The following ALKBH7 variants were observed in gnomAD, a reference collection of about 807,000 sequenced individuals.
ALKBH7 encodes RNA demethylase ALKBH7, mitochondrial.
Under a neutral mutation model 19.3 loss-of-function variants are expected in ALKBH7, and 21 were observed. That is an observed-to-expected ratio of 1.09 (90% CI 0.77 to 1.56). The LOEUF (loss-of-function observed/expected upper bound fraction) is 1.56. Ranked by LOEUF, ALKBH7 falls within the 40% of genes most tolerant of loss-of-function variation. The pLI is 0.00. For synonymous variants in ALKBH7, 147 were observed against 139.5 expected, an observed-to-expected ratio of 1.05 and a Z score of -0.38; for missense variants, 354 against 311.4, an observed-to-expected ratio of 1.14 and a Z score of -1.03.
rs774171163 is a variant in ALKBH7, at chr19:6,375,097, C to A, written c.*124C>A. The stretch of plus-strand genomic sequence containing the variant: ...CAGGGGAACCCAGGATGGCACTGGC[C>A]CATAGGGAGCTCCAGGTGTGGCTGG... On this transcript the variant is annotated 3_prime_UTR_variant, in exon 4 of 4. Coordinates refer to ENST00000245812, the MANE Select transcript of ALKBH7 (RefSeq NM_032306.4). The A allele has an allele frequency of 1.5e-5, 21 of 1,371,086 alleles. No individual in the cohort carries two copies. The highest frequency in any genetic ancestry group is 2.8e-5 in the Admixed American group (1 of 35,744). The allele number at this position is 1,371,086 out of a possible 1,614,324, so 84.9% of individuals were successfully genotyped here. A position where few individuals can be genotyped will look rare whatever the true frequency, so the allele number is the denominator to read the frequency against.
chr19:6,374,715 C>T (rs1422816127), intron 3 of ALKBH7, 96 bp from the exon 4 acceptor site: 1 of 1,595,908 alleles, frequency 6.3e-7, no homozygotes, highest in African/African-American at 1.3e-5. Context: ...GTGTGGGAGG[C>T]AGCAGGGGGC....
chr19:6,375,028 C>T lies in ALKBH7; in HGVS notation c.*55C>T, dbSNP rs559453800. The T allele has an allele frequency of 2.0e-6, 3 of 1,526,092 alleles. No homozygotes were observed. The highest frequency in any genetic ancestry group is 4.6e-5 in the East Asian group (2 of 43,852). 94.5% of individuals were successfully genotyped at this position (1,526,092 alleles called of 1,614,324 possible). The stretch of plus-strand genomic sequence containing the variant: ...TGAATAAAGTTGGGGAATGGACAGC[C>T]TAACTGGGACATTGCAGTGGCTGCT... On this transcript the variant is annotated 3_prime_UTR_variant, in exon 4 of 4. Transcript: ENST00000245812.
At chr19:6,373,643 G>A (rs1047201621) in intron 1 of ALKBH7, 1,074 of 1,247,172 alleles carry the variant, frequency 8.6e-4, no homozygotes, top group Non-Finnish European at 9.8e-4. Context: ...GCCATGCTGT[G>A]GGGGGGACGG....
In ALKBH7 at chr19:6,374,347, T is replaced by G. The variant is rs2091909234; in HGVS notation, c.349T>G (p.Tyr117Asp). ...VHVLDLEARG[Y>D]IKPHVDSIKF... Reference sequence around the variant, plus strand: ...CGTGCTGGACCTGGAAGCCCGCGGCTACATCAAGCCCCACGTGGACAGCAT... The same window carrying G: ...CGTGCTGGACCTGGAAGCCCGCGGCGACATCAAGCCCCACGTGGACAGCAT... Residue 117 changes from tyrosine (Y) to aspartate (D), a missense_variant, in exon 2 of 4, where the codon TAC becomes GAC. By Grantham distance (160) the Tyr-to-Asp change is radical. Coordinates refer to ENST00000245812, the MANE Select transcript of ALKBH7 (RefSeq NM_032306.4). The G allele has an allele frequency of 1.2e-6, 2 of 1,610,606 alleles. 1 individual carries two copies. Among genetic ancestry groups the G allele is most frequent in the South Asian group, 2.2e-5 (2 of 90,940 alleles).
intron 1 of ALKBH7, chr19:6,373,761 T>TTGGGAGCTGGGCTATGG (rs2091905356): frequency 2.4e-6 from 3 of 1,267,112 alleles, no homozygotes; most frequent in African/African-American, 3.1e-5. Flanking sequence ...TTGCAGGGAT[T>TTGGGAGCTGGGCTATGG]TGGGAGCTGG....
intron 1 of ALKBH7, 23 bp from the exon 2 acceptor site, chr19:6,374,180 G>T: frequency 6.2e-7 from 1 of 1,604,994 alleles, no homozygotes; most frequent in African/African-American, 1.3e-5. Context: ...GAGCTCCCAG[G>T]CTTAACCGAG....
intron 3 of ALKBH7, 98 bp from the exon 4 acceptor site, chr19:6,374,713 G>C: frequency 6.3e-7 from 1 of 1,596,800 alleles, no homozygotes; most frequent in Non-Finnish European, 8.5e-7. Flanking sequence ...CTGTGTGGGA[G>C]GCAGCAGGGG....
intron 1 of ALKBH7, chr19:6,373,710 C>T (rs1017097007): frequency 1.6e-6 from 2 of 1,241,842 alleles, no homozygotes; most frequent in East Asian, 6.4e-5. Flanking sequence ...AGGGGAGACA[C>T]ATGCTGGGAT....
Position 6,374,807 on chromosome 19 carries a change from G to T in ALKBH7, c.504-4G>T. ...ACCCAGTCACAGCCTGTTTCTTCCT[G>T]CAGGGGCTCAGCCCGTTATGACTTC... On this transcript the variant is annotated splice_region_variant and splice_polypyrimidine_tract_variant and intron_variant, in intron 3 of 3. Transcript: ENST00000245812. The T allele has an allele frequency of 6.2e-7, 1 of 1,608,726 alleles. No homozygotes were observed. Among genetic ancestry groups the T allele is most frequent in the Non-Finnish European group, 8.5e-7 (1 of 1,175,778 alleles).
chr19:6,373,064 T>G, intron 1 of ALKBH7, 40 bp downstream of exon 1: 1 of 1,529,310 alleles, frequency 6.5e-7, no homozygotes, highest in African/African-American at 1.4e-5. Context: ...CGGGGGCTCG[T>G]CGGGGGCGCG....
chr19:6,374,807 G>A lies in ALKBH7; in HGVS notation c.504-4G>A. 6.2e-7 allele frequency: 1 copy of A among 1,608,726 alleles called. No homozygotes were observed. The highest frequency in any genetic ancestry group is 8.5e-7 in the Non-Finnish European group (1 of 1,175,778). ...ACCCAGTCACAGCCTGTTTCTTCCTGCAGGGGCTCAGCCCGTTATGACTTC... is the reference window on the plus strand; with the variant it reads ...ACCCAGTCACAGCCTGTTTCTTCCTACAGGGGCTCAGCCCGTTATGACTTC... On this transcript the variant is annotated splice_region_variant and splice_polypyrimidine_tract_variant and intron_variant, in intron 3 of 3. Transcript: ENST00000245812.
intron 1 of ALKBH7, 122 bp downstream of exon 1, chr19:6,373,146 G>C: frequency 7.6e-7 from 1 of 1,320,536 alleles, no homozygotes; most frequent in Non-Finnish European, 1.0e-6. Flanking sequence ...GATTTGGAGC[G>C]GGGACAGAGG....
chr19:6,374,946 G>C lies in ALKBH7; in HGVS notation c.639G>C (p.Glu213Asp), dbSNP rs1161507426. The stretch of plus-strand genomic sequence containing the variant: ...TCCCTGAGGGCATGGGGCCAGGGGA[G>C]TCTGGACAGCCGCCCCCAGCCTGCT... Reference protein sequence around the residue: ...RSLPEGMGPGESGQPPPAC With the variant: ...RSLPEGMGPGDSGQPPPAC The change falls in exon 4 of 4, where the codon GAG becomes GAC. Residue 213 changes from glutamate (E) to aspartate (D), a missense_variant. Transcript: ENST00000245812. 1 of 1,606,538 alleles carries C rather than the reference G, an allele frequency of 6.2e-7. No individual in the cohort carries two copies. The highest frequency in any genetic ancestry group is 8.5e-7 in the Non-Finnish European group (1 of 1,174,930).
rs750493976 is a variant in ALKBH7, at chr19:6,372,832, T to A, written c.12T>A (p.Thr4=). 3 of 1,545,106 alleles carry A rather than the reference T, an allele frequency of 1.9e-6. No homozygotes were observed. The highest frequency in any genetic ancestry group is 1.9e-5 in the Admixed American group (1 of 51,384). ...CCCGCTCCGGGATTATGGCCGGGAC[T>A]GGGCTGCTGGCGCTGCGGACGCTGC... MAG[T]GLLALRTLPG... is the part of the protein sequence containing the mutation. Residue 4 remains threonine, a synonymous_variant, in exon 1 of 4, where the codon ACT becomes ACA. Coordinates refer to ENST00000245812, the MANE Select transcript of ALKBH7 (RefSeq NM_032306.4).
Position 6,375,215 on chromosome 19 carries a change from C to G in ALKBH7, c.*242C>G. 1 of 1,370,348 alleles carries G rather than the reference C, an allele frequency of 7.3e-7. No individual in the cohort carries two copies. The highest frequency in any genetic ancestry group is 1.7e-5 in the South Asian group (1 of 60,152). The allele number at this position is 1,370,348 out of a possible 1,614,324, so 84.9% of individuals were successfully genotyped here. A position where few individuals can be genotyped will look rare whatever the true frequency, so the allele number is the denominator to read the frequency against. On this transcript the variant is annotated 3_prime_UTR_variant, in exon 4 of 4. Coordinates refer to ENST00000245812, the MANE Select transcript of ALKBH7 (RefSeq NM_032306.4). The stretch of plus-strand genomic sequence containing the variant: ...CCCAGCCCACTCCCCTCCTCGTTGT[C>G]TCTGCATCCAGGTCTCCAATAAATA...
chr19:6,375,017 G>C lies in ALKBH7; in HGVS notation c.*44G>C. On this transcript the variant is annotated 3_prime_UTR_variant, in exon 4 of 4. Transcript: ENST00000245812. ...CACCAGATTTGTGAATAAAGTTGGG[G>C]AATGGACAGCCTAACTGGGACATTG... 1.3e-6 allele frequency: 2 copies of C among 1,545,172 alleles called. No homozygotes were observed. The highest frequency in any genetic ancestry group is 2.4e-5 in the South Asian group (2 of 83,050).
rs2091913143 is a variant in ALKBH7 at position 6,374,820 on chromosome 19, C to G, written c.513C>G (p.Ala171=). The stretch of plus-strand genomic sequence containing the variant: ...CTGTTTCTTCCTGCAGGGGCTCAGC[C>G]CGTTATGACTTCTCCCATGAGATCC... The part of the protein sequence containing the change: ...PGSLYILRGS[A]RYDFSHEILR... Residue 171 remains alanine, a synonymous_variant, in exon 4 of 4, where the codon GCC becomes GCG. Coordinates refer to ENST00000245812, the MANE Select transcript of ALKBH7 (RefSeq NM_032306.4). 1 of 1,612,202 alleles carries G rather than the reference C, an allele frequency of 6.2e-7. No individual in the cohort carries two copies. Among genetic ancestry groups the G allele is most frequent in the Non-Finnish European group, 8.5e-7 (1 of 1,178,598 alleles).
chr19:6,374,697 C>T, intron 3 of ALKBH7, 108 bp downstream of exon 3: 1 of 1,603,796 alleles, frequency 6.2e-7, no homozygotes, highest in African/African-American at 1.3e-5. Context: ...GCCTTTACCC[C>T]AGGGTCTGTG....
At chr19:6,374,717 GCAGGGGGCTGGAATC>G (rs2091912441) in intron 3 of ALKBH7, 79 bp from the exon 4 acceptor site, 9 of 1,596,044 alleles carry the variant, frequency 5.6e-6, no homozygotes, top group South Asian at 4.4e-5. Flanking sequence ...GTGGGAGGCA[GCAGGGGGCTGGAATC>G]CAGGAGGCTG....
Sources: allele counts gnomAD v4.1 joint callset, GRCh38; gene constraint gnomAD v4.1.1; transcripts MANE v1.5; gene names NCBI Gene and HGNC (gene_info 2026-07-23, HGNC 2026-07-21).